The following ABCA4 variants were observed in gnomAD, a reference collection of about 807,000 sequenced individuals.
ABCA4 encodes the protein ATP binding cassette subfamily A member 4, also known as retinal-specific phospholipid-transporting ATPase ABCA4.
A neutral mutation model predicts 263.7 loss-of-function variants in ABCA4; 196 were observed. That is an observed-to-expected ratio of 0.74 (90% CI 0.66 to 0.84). The LOEUF (loss-of-function observed/expected upper bound fraction) is 0.84. Ranked by LOEUF, ABCA4 falls within the 40% of genes least tolerant of loss-of-function variation. ABCA4 has a pLI of 0.00. For missense variants in ABCA4, 2,792 were observed against 2,855.1 expected, an observed-to-expected ratio of 0.98 and a Z score of 0.50; for synonymous variants, 1,133 against 1,094.2, an observed-to-expected ratio of 1.04 and a Z score of -0.70.
chr1:94,011,007 T>A, intron 39 of ABCA4, 78 bp from the exon 40 acceptor site: 2 of 1,610,718 alleles, frequency 1.2e-6, no homozygotes, highest in South Asian at 2.2e-5. Context: ...CAGGGCCCAC[T>A]AGACCAGGCC....
At chr1:94,038,918 C>T (rs889862515) in intron 24 of ABCA4, among the ~76,000 whole-genome samples, 1 of 152,126 alleles carries the variant, frequency 6.6e-6, no homozygotes, top group African/African-American at 2.4e-5. Context: ...GCATTTCCCA[C>T]CATTCACAGC....
In ABCA4 at chr1:94,023,412, C is replaced by G; in HGVS notation, c.4641G>C (p.Lys1547Asn). Residue 1547 changes from lysine to asparagine, a missense_variant, in exon 32 of 50, where the codon AAG (lysine) becomes AAC (asparagine). Transcript: ENST00000370225. ...TCTGTTCATTGACCCAGAATTTGCTCTTTAAGCTGAAAGCCAAAATAAAAT... is the reference window on the plus strand; with the variant it reads ...TCTGTTCATTGACCCAGAATTTGCTGTTTAAGCTGAAAGCCAAAATAAAAT... Reference protein sequence around the residue: ...TYPALIRSSLKSKFWVNEQRY... With the variant: ...TYPALIRSSLNSKFWVNEQRY... 6.2e-7 allele frequency: 1 copy of G among 1,609,416 alleles called. No homozygotes were observed. The highest frequency in any genetic ancestry group is 2.2e-5 in the East Asian group (1 of 44,858).
chr1:94,087,196 C>T (rs187677934), intron 6 of ABCA4, among the ~76,000 whole-genome samples: 82 of 152,268 alleles, frequency 5.4e-4, no homozygotes, highest in Middle Eastern at 3.4e-3. Flanking sequence ...AGGATGCAAA[C>T]ATTCAGATCA....
chr1:94,096,712 G>A (rs1259930739), intron 6 of ABCA4, among the ~76,000 whole-genome samples: 4 of 152,320 alleles, frequency 2.6e-5, no homozygotes, highest in South Asian at 2.1e-4. Context: ...CCCAGGTGCC[G>A]ATTTACCCTA....
intron 4 of ABCA4, among the ~76,000 whole-genome samples, chr1:94,103,922 G>A (rs1232238846): frequency 6.6e-6 from 1 of 152,150 alleles, no homozygotes; most frequent in Non-Finnish European, 1.5e-5. Context: ...TTTATAAGGA[G>A]GCATAAAGAA....
rs569788505 is a variant in ABCA4, at chr1:94,108,798, T to TA, written c.303-83dup. ...AATATCTCATGCTATTTTTTTTTTT[T>TA]ATCTCGCTCTGTCACCCAGGCTGGA... On this transcript the variant is annotated intron_variant, in intron 3 of 49. Transcript: ENST00000370225. 2,804 of 1,441,870 alleles carry TA rather than the reference T, an allele frequency of 1.9e-3. 2 individuals are homozygous for TA. The highest frequency in any genetic ancestry group is 2.3e-3 in the Non-Finnish European group (2,455 of 1,058,726). 89.3% of individuals were successfully genotyped at this position (1,441,870 alleles called of 1,614,324 possible). A position where few individuals can be genotyped will look rare whatever the true frequency, so the allele number is the denominator to read the frequency against.
chr1:94,046,902 TC>T lies in ABCA4; in HGVS notation c.2918+16del. ...ACAGGCTAGCATGGCAGCCAGCTTC[TC>T]TGCTGGAAGACTCACAAGGTGGTGG... On this transcript the variant is annotated intron_variant, in intron 19 of 49. Coordinates refer to ENST00000370225, the MANE Select transcript of ABCA4 (RefSeq NM_000350.3). 6.2e-7 allele frequency: 1 copy of T among 1,613,220 alleles called. No individual in the cohort carries two copies. Among genetic ancestry groups the T allele is most frequent in the African/African-American group, 1.3e-5 (1 of 75,020 alleles).
chr1:94,015,954 C>A lies in ABCA4; in HGVS notation c.5197-100G>T. On this transcript the variant is annotated intron_variant, in intron 36 of 49. Transcript: ENST00000370225. ...GCCAGGCTCCTCCAGCTCGTAGGGT[C>A]TGGGATTCTGATTCGACTTGCTTTT... 3.0e-6 allele frequency: 3 copies of A among 1,005,866 alleles called. No individual in the cohort carries two copies. In the Admixed American group the frequency reaches 6.0e-5, roughly 20 times the overall value. The allele number at this position is 1,005,866 out of a possible 1,614,324, so 62.3% of individuals were successfully genotyped here.
rs749053239 is a variant in ABCA4 at position 94,062,674 on chromosome 1, T to G, written c.1840A>C (p.Met614Leu). The G allele has an allele frequency of 1.9e-6, 3 of 1,614,124 alleles. No individual in the cohort carries two copies. The East Asian group carries it at 6.7e-5, about 36-fold the overall frequency. ...IWGGFAYLQDMVEQGITRSQV... is the reference protein window; with the variant it reads ...IWGGFAYLQDLVEQGITRSQV... Reference sequence around the variant, plus strand: ...CTCCTTGTGATCCCCTGTTCAACCATGTCCTGCAGATAGGCAAACCCGCCC... The same window carrying G: ...CTCCTTGTGATCCCCTGTTCAACCAGGTCCTGCAGATAGGCAAACCCGCCC... The change falls in exon 13 of 50, where the codon ATG (methionine) becomes CTG (leucine). Residue 614 changes from methionine (M) to leucine (L), a missense_variant. By Grantham distance (15) the Met-to-Leu change is conservative. Coordinates refer to ENST00000370225, the MANE Select transcript of ABCA4 (RefSeq NM_000350.3).
At chr1:94,096,214 A>G (rs1662121692) in intron 6 of ABCA4, among the ~76,000 whole-genome samples, 1 of 152,228 alleles carries the variant, frequency 6.6e-6, no homozygotes, top group African/African-American at 2.4e-5. Context: ...AGTGAAGTCA[A>G]GGCTGCACCC....
At chr1:94,002,115 C>T in intron 44 of ABCA4, 123 bp from the exon 45 acceptor site, 1 of 1,451,864 alleles carries the variant, frequency 6.9e-7, no homozygotes, top group Non-Finnish European at 9.5e-7. Flanking sequence ...TAGGCTGAAA[C>T]AGGCTCCTGC....
chr1:94,011,232 C>T (rs759237752), intron 39 of ABCA4, 30 bp downstream of exon 39: 111 of 1,613,764 alleles, frequency 6.9e-5, no homozygotes, highest in Non-Finnish European at 9.1e-5. Flanking sequence ...ACCCAGGGCC[C>T]ATGCTCCATG....
intron 43 of ABCA4, among the ~76,000 whole-genome samples, chr1:94,006,814 G>C (rs1344126226): frequency 6.6e-6 from 1 of 152,224 alleles, no homozygotes; most frequent in African/African-American, 2.4e-5. Flanking sequence ...ATGCTGGACA[G>C]ATGTCAGCAG....
chr1:94,065,772 A>G lies in ABCA4; in HGVS notation c.1555-2455T>C, dbSNP rs149961899. ...GCTTAAGTGACACCACGCTGATGAG[A>G]TATTAATAATGATCTTAAAATGATA... On this transcript the variant is annotated intron_variant, in intron 11 of 49. Coordinates refer to ENST00000370225, the MANE Select transcript of ABCA4 (RefSeq NM_000350.3). 7.4e-3 allele frequency among the ~76,000 whole-genome samples: 1,122 copies of G among 152,356 alleles called. 16 individuals are homozygous for G. The highest frequency in any genetic ancestry group is 0.025 in the African/African-American group (1,053 of 41,576).
In ABCA4 at chr1:94,031,958, G is replaced by C. The variant is rs1660218167; in HGVS notation, c.3948C>G (p.Asp1316Glu). The C allele has an allele frequency of 6.2e-7, 1 of 1,613,990 alleles. No individual in the cohort carries two copies. The highest frequency in any genetic ancestry group is 8.5e-7 in the Non-Finnish European group (1 of 1,180,024). Residue 1316 changes from aspartate to glutamate, a missense_variant, in exon 27 of 50, where the codon GAC (aspartate) becomes GAG (glutamate). By Grantham distance (45) the Asp-to-Glu change is conservative. Transcript: ENST00000370225. The stretch of plus-strand genomic sequence containing the variant: ...GCGCCCCTGGGGAGCAGACATTGGA[G>C]TCCTGGGGTGTCTGTCCAGCCTTCT... ...PREKAGQTPQ[D>E]SNVCSPGAPA...
intron 29 of ABCA4, among the ~76,000 whole-genome samples, chr1:94,030,072 A>T (rs1660153438): frequency 6.6e-6 from 1 of 152,226 alleles, no homozygotes. Context: ...AGTACTGGCC[A>T]CTGTGTCACT....
chr1:94,030,617 A>G, intron 28 of ABCA4, 91 bp from the exon 29 acceptor site: 1 of 1,280,620 alleles, frequency 7.8e-7, no homozygotes, highest in Non-Finnish European at 1.1e-6. Context: ...GCTGTGTGCC[A>G]GGTATGTATT....
chr1:94,047,467 C>G (rs1660717150), intron 18 of ABCA4, among the ~76,000 whole-genome samples: 1 of 152,164 alleles, frequency 6.6e-6, no homozygotes, highest in African/African-American at 2.4e-5. Context: ...GAACCCAGAG[C>G]CCATGCTTGT....
At chr1:94,084,055 C>T (rs1661772401) in intron 6 of ABCA4, among the ~76,000 whole-genome samples, 1 of 152,222 alleles carries the variant, frequency 6.6e-6, no homozygotes, top group Admixed American at 6.5e-5. Flanking sequence ...CATGTGAACT[C>T]ACCACTGCTC....
Sources: allele counts gnomAD v4.1 joint callset (sites outside exome capture counted in the v4.1 genomes callset), GRCh38; gene constraint gnomAD v4.1.1; transcripts MANE v1.5; gene names NCBI Gene and HGNC (gene_info 2026-07-23, HGNC 2026-07-21).